Variants in CCSER1 observed in about 807,000 individuals in gnomAD.
The protein encoded by CCSER1 is coiled-coil serine rich protein 1.
In CCSER1, 41 loss-of-function variants were observed where a neutral mutation model predicts 82.0. The ratio of observed to expected loss-of-function variants is 0.50; its 90% CI spans 0.39 to 0.65. The LOEUF (loss-of-function observed/expected upper bound fraction) is 0.65. CCSER1 is among the 30% of genes least tolerant of loss of function. The pLI is 0.00. For missense variants in CCSER1, 1,119 were observed against 1,064.2 expected, an observed-to-expected ratio of 1.05 and a Z score of -0.72; for synonymous variants, 414 against 383.9, an observed-to-expected ratio of 1.08 and a Z score of -0.92.
intron 10 of CCSER1, among the ~76,000 whole-genome samples, chr4:91,580,415 AT>A (rs547511357): frequency 2.0e-5 from 3 of 150,902 alleles, no homozygotes; most frequent in Non-Finnish European, 4.4e-5. Flanking sequence ...TCTAACAATA[AT>A]TTTTTTTTGG....
At chr4:90,769,383 G>A (rs964107428) in intron 7 of CCSER1, among the ~76,000 whole-genome samples, 5 of 152,154 alleles carry the variant, frequency 3.3e-5, no homozygotes, top group African/African-American at 1.2e-4. Context: ...TATGCTGATA[G>A]GGAGTAGACT....
chr4:90,712,567 A>T (rs1034891114), intron 6 of CCSER1, among the ~76,000 whole-genome samples: 1 of 152,006 alleles, frequency 6.6e-6, no homozygotes, highest in Non-Finnish European at 1.5e-5. Flanking sequence ...TTTGTGATCA[A>T]TTTTAGAGTA....
intron 5 of CCSER1, among the ~76,000 whole-genome samples, chr4:90,496,589 TTTAG>T (rs1295370690): frequency 1.3e-5 from 2 of 152,190 alleles, no homozygotes; most frequent in Admixed American, 1.3e-4. Flanking sequence ...TATTGTTTAT[TTTAG>T]TTAAACACCT....
intron 8 of CCSER1, among the ~76,000 whole-genome samples, chr4:90,833,923 TC>T (rs996532016): frequency 6.6e-6 from 1 of 152,114 alleles, no homozygotes; most frequent in African/African-American, 2.4e-5. Flanking sequence ...CCCTGGTGCC[TC>T]TCTTTGTCTA....
At chr4:90,470,799 A>G (rs1457347644) in intron 5 of CCSER1, among the ~76,000 whole-genome samples, 1 of 142,954 alleles carries the variant, frequency 7.0e-6, no homozygotes, top group Non-Finnish European at 1.5e-5. Context: ...CCCAGATTTG[A>G]GTGTCATTGG....
At chr4:90,892,108 G>A (rs1723047136) in intron 8 of CCSER1, among the ~76,000 whole-genome samples, 1 of 152,052 alleles carries the variant, frequency 6.6e-6, no homozygotes, top group Admixed American at 6.6e-5. Flanking sequence ...TAAACGTAGT[G>A]TTAGATTTTA....
intron 1 of CCSER1, among the ~76,000 whole-genome samples, chr4:90,305,734 G>T (rs1306217408): frequency 6.6e-6 from 1 of 152,152 alleles, no homozygotes; most frequent in African/African-American, 2.4e-5. Flanking sequence ...GTTGGTGGGG[G>T]TGTAAATTAG....
At chr4:90,772,416 T>C (rs1245919884) in intron 7 of CCSER1, among the ~76,000 whole-genome samples, 1 of 152,150 alleles carries the variant, frequency 6.6e-6, no homozygotes, top group Non-Finnish European at 1.5e-5. Context: ...TATTTATTGA[T>C]TACTGTTCTA....
At chr4:90,816,937 T>TG (rs1759098493) in intron 8 of CCSER1, among the ~76,000 whole-genome samples, 1 of 152,130 alleles carries the variant, frequency 6.6e-6, no homozygotes, top group Non-Finnish European at 1.5e-5. Flanking sequence ...ATTGGATTGA[T>TG]GCTGATCCTT....
intron 10 of CCSER1, among the ~76,000 whole-genome samples, chr4:91,156,834 G>T (rs963912104): frequency 4.6e-5 from 7 of 151,834 alleles, no homozygotes; most frequent in Admixed American, 6.6e-5. Flanking sequence ...TTTCTGGGAT[G>T]TATTTTGGGT....
chr4:91,082,439 C>G (rs1722875163), intron 9 of CCSER1, among the ~76,000 whole-genome samples: 1 of 152,164 alleles, frequency 6.6e-6, no homozygotes, highest in African/African-American at 2.4e-5. Context: ...AAATGTCAGA[C>G]CTAAAACCAT....
chr4:91,158,343 C>T (rs989588435), intron 10 of CCSER1, among the ~76,000 whole-genome samples: 7 of 151,932 alleles, frequency 4.6e-5, no homozygotes, highest in Admixed American at 3.9e-4. Context: ...AGGCAGCATC[C>T]TTTTGAGGCT....
chr4:90,499,889 A>T, intron 5 of CCSER1, among the ~76,000 whole-genome samples: 1 of 152,212 alleles, frequency 6.6e-6, no homozygotes, highest in East Asian at 1.9e-4. Context: ...GCAGCTAGGA[A>T]TAAGTTTATT....
chr4:91,055,381 T>C (rs1167418739), intron 9 of CCSER1, among the ~76,000 whole-genome samples: 2 of 152,194 alleles, frequency 1.3e-5, no homozygotes, highest in African/African-American at 4.8e-5. Context: ...TGCATTAGTC[T>C]CTTAAATTAT....
At position 90,843,816 on chromosome 4, in the gene CCSER1, A is replaced by G. The variant is rs546145382; in HGVS notation, c.2094+27971A>G. Among the ~76,000 whole-genome samples, 23 of 152,256 alleles carry G rather than the reference A, an allele frequency of 1.5e-4. No homozygotes were observed. The South Asian group carries it at 4.8e-3, about 31-fold the overall frequency. On this transcript the variant is annotated intron_variant, in intron 8 of 10. Transcript: ENST00000509176. ...TATTCCCTCCTTGGGCATAAAATCTATGTGTTGTTGTCAGTTTCTTTGTTC... is the reference window on the plus strand; with the variant it reads ...TATTCCCTCCTTGGGCATAAAATCTGTGTGTTGTTGTCAGTTTCTTTGTTC...
intron 4 of CCSER1, among the ~76,000 whole-genome samples, chr4:90,440,865 TA>T (rs1189546089): frequency 6.6e-6 from 1 of 152,160 alleles, no homozygotes; most frequent in Non-Finnish European, 1.5e-5. Flanking sequence ...GACCAGGGCT[TA>T]AAATTTAAGT....
intron 1 of CCSER1, among the ~76,000 whole-genome samples, chr4:90,205,425 T>C (rs773450783): frequency 1.3e-5 from 2 of 150,928 alleles, no homozygotes; most frequent in South Asian, 2.1e-4. Flanking sequence ...CAGAAAGGTA[T>C]GAAGGCCTTT....
chr4:91,252,824 A>C (rs1440411262), intron 10 of CCSER1, among the ~76,000 whole-genome samples: 4 of 152,178 alleles, frequency 2.6e-5, no homozygotes, highest in Non-Finnish European at 5.9e-5. Flanking sequence ...TTTAAAAAAA[A>C]TGTTTCACTA....
intron 6 of CCSER1, among the ~76,000 whole-genome samples, chr4:90,690,963 G>T (rs1429013615): frequency 6.6e-6 from 1 of 151,938 alleles, no homozygotes; most frequent in East Asian, 1.9e-4. Flanking sequence ...CTTACTCAAT[G>T]TCACTTTTAA....
Sources: allele counts gnomAD v4.1 joint callset (sites outside exome capture counted in the v4.1 genomes callset), GRCh38; gene constraint gnomAD v4.1.1; transcripts MANE v1.5; gene names NCBI Gene and HGNC (gene_info 2026-07-23, HGNC 2026-07-21).